CCDC122: variants seen among roughly 807,000 people sequenced by gnomAD.
The protein encoded by CCDC122 is coiled-coil domain containing 122.
In CCDC122, 38 loss-of-function variants were observed where a neutral mutation model predicts 37.0. That is an observed-to-expected ratio of 1.03 (90% CI 0.79 to 1.35). The LOEUF (loss-of-function observed/expected upper bound fraction) is 1.35, where lower values mean the gene tolerates loss of function less well. CCDC122 is among the 40% of genes most tolerant of loss of function. The pLI is 0.00. For synonymous variants in CCDC122, 83 were observed against 95.6 expected, an observed-to-expected ratio of 0.87 and a Z score of 0.77; for missense variants, 305 against 310.0, an observed-to-expected ratio of 0.98 and a Z score of 0.12.
chr13:43,824,311 G>A (rs1166831637), intron 3 of CCDC122, among the ~76,000 whole-genome samples: 1 of 152,138 alleles, frequency 6.6e-6, no homozygotes, highest in East Asian at 1.9e-4. Context: ...TATATGCAAA[G>A]GGATGTAACT....
At chr13:43,824,512 TAA>T (rs1333392382) in intron 3 of CCDC122, among the ~76,000 whole-genome samples, 1 of 152,226 alleles carries the variant, frequency 6.6e-6, no homozygotes, top group Non-Finnish European at 1.5e-5. Context: ...AGTTTATGAC[TAA>T]GTCTTCAAAA....
At position 43,836,827 on chromosome 13, in the gene CCDC122, G is replaced by A. The variant is rs2153869066; in HGVS notation, c.*453C>T. The A allele has an allele frequency of 6.9e-6, 1 of 144,444 alleles. No homozygotes were observed. Among genetic ancestry groups the A allele is most frequent in the East Asian group, 2.0e-4 (1 of 4,940 alleles). 8.9% of individuals were successfully genotyped at this position (144,444 alleles called of 1,614,324 possible). A position where few individuals can be genotyped will look rare whatever the true frequency, so the allele number is the denominator to read the frequency against. ...ACTGCGCCACTGCAGTCCGCAGTCCGGCCTGGGCGACAGAGCGAGACTCCG... is the reference window on the plus strand; with the variant it reads ...ACTGCGCCACTGCAGTCCGCAGTCCAGCCTGGGCGACAGAGCGAGACTCCG... On this transcript the variant is annotated 3_prime_UTR_variant, in exon 7 of 7. Transcript: ENST00000444614.
intron 6 of CCDC122, among the ~76,000 whole-genome samples, chr13:43,841,356 T>C (rs7330707): frequency 0.88 from 134,308 of 152,232 alleles, 59,962 homozygotes; most frequent in South Asian, 0.98. Flanking sequence ...ATCTCCCCAG[T>C]AGTGCATGAT....
intron 6 of CCDC122, 52 bp downstream of exon 6, chr13:43,858,727 TAA>T (rs1315396379): frequency 2.4e-6 from 3 of 1,230,670 alleles, no homozygotes; most frequent in Non-Finnish European, 3.3e-6. Flanking sequence ...AATATAGTGT[TAA>T]GTTTTAAAAA....
In CCDC122 at chr13:43,868,879, C is replaced by T. The variant is rs573520690; in HGVS notation, c.47-76G>A. 17 of 632,910 alleles carry T rather than the reference C, an allele frequency of 2.7e-5. No individual in the cohort carries two copies. In the African/African-American group the frequency reaches 3.3e-4, roughly 12 times the overall value. 39.2% of individuals were successfully genotyped at this position (632,910 alleles called of 1,614,324 possible). A position where few individuals can be genotyped will look rare whatever the true frequency, so the allele number is the denominator to read the frequency against. ...ATTTTAAGAAAGTTATGTTTCTTTA[C>T]TCAAAATCATGAAATATTTGATACT... is the stretch of plus-strand genomic sequence containing the variant. On this transcript the variant is annotated intron_variant, in intron 3 of 6. Coordinates refer to ENST00000444614, the MANE Select transcript of CCDC122 (RefSeq NM_144974.5).
downstream of CCDC122, among the ~76,000 whole-genome samples, chr13:43,831,357 T>A (rs1300522592): frequency 6.6e-6 from 1 of 152,142 alleles, no homozygotes; most frequent in East Asian, 1.9e-4. Context: ...GAAGACAAAA[T>A]AACTAATGCA....
At chr13:43,863,919 A>T (rs1292788501) in intron 4 of CCDC122, among the ~76,000 whole-genome samples, 1 of 152,212 alleles carries the variant, frequency 6.6e-6, no homozygotes, top group African/African-American at 2.4e-5. Context: ...AATCATTGCC[A>T]AGCCCAACAT....
chr13:43,847,400 T>C (rs1234833875), intron 6 of CCDC122, among the ~76,000 whole-genome samples: 1 of 152,184 alleles, frequency 6.6e-6, no homozygotes, highest in East Asian at 1.9e-4. Flanking sequence ...AACATTTTAA[T>C]CTTTTTTAAG....
At chr13:43,848,099 C>A (rs1401227973) in intron 6 of CCDC122, among the ~76,000 whole-genome samples, 1 of 152,100 alleles carries the variant, frequency 6.6e-6, no homozygotes, top group East Asian at 1.9e-4. Flanking sequence ...ATAGGACTGG[C>A]TTTCTAGTTG....
At chr13:43,830,298 G>A (rs1953077611) in intron 3 of CCDC122, among the ~76,000 whole-genome samples, 1 of 152,204 alleles carries the variant, frequency 6.6e-6, no homozygotes, top group Admixed American at 6.5e-5. Context: ...AGGGAGGAGG[G>A]AGGAACAGGG....
Position 43,837,065 on chromosome 13 carries a change from T to A in CCDC122, c.*215A>T. On this transcript the variant is annotated 3_prime_UTR_variant, in exon 7 of 7. Transcript: ENST00000444614. ...TCTTGCATTATTTTCCCGTAGACAT[T>A]CCTATTGTCTGTCTACTGCTATCAA... The A allele has an allele frequency of 2.0e-6, 1 of 498,300 alleles. No homozygotes were observed. Among genetic ancestry groups the A allele is most frequent in the South Asian group, 3.1e-5 (1 of 32,204 alleles). The allele number at this position is 498,300 out of a possible 1,614,324, so 30.9% of individuals were successfully genotyped here.
intron 3 of CCDC122, among the ~76,000 whole-genome samples, chr13:43,827,891 T>C (rs1336960952): frequency 2.6e-5 from 4 of 152,134 alleles, no homozygotes; most frequent in Non-Finnish European, 5.9e-5. Context: ...GGAGTTGGAG[T>C]TGACTCCTGG....
chr13:43,822,190 G>T (rs1952998704), downstream of CCDC122, among the ~76,000 whole-genome samples: 1 of 152,206 alleles, frequency 6.6e-6, no homozygotes, highest in Non-Finnish European at 1.5e-5. Context: ...TAATGCTGTG[G>T]TTCTTGCAGA....
At position 43,836,837 on chromosome 13, in the gene CCDC122, A is replaced by G. The variant is rs1284995795; in HGVS notation, c.*443T>C. ...TGCAGTCCGCAGTCCGGCCTGGGCG[A>G]CAGAGCGAGACTCCGTCTCAAAAAA... On this transcript the variant is annotated 3_prime_UTR_variant, in exon 7 of 7. Transcript: ENST00000444614. The G allele has an allele frequency of 3.6e-5, 5 of 140,616 alleles. No homozygotes were observed. Among genetic ancestry groups the G allele is most frequent in the Non-Finnish European group, 7.7e-5 (5 of 65,310 alleles). 8.7% of individuals were successfully genotyped at this position (140,616 alleles called of 1,614,324 possible). A position where few individuals can be genotyped will look rare whatever the true frequency, so the allele number is the denominator to read the frequency against.
At chr13:43,869,294 TC>T in intron 3 of CCDC122, 36 bp downstream of exon 3, 1 of 1,490,014 alleles carries the variant, frequency 6.7e-7, no homozygotes, top group South Asian at 1.2e-5. Context: ...TTGTTGCTGA[TC>T]TTTTAATTAT....
In CCDC122 at chr13:43,858,890, A is replaced by T; in HGVS notation, c.563T>A (p.Ile188Asn). ...TATAATTTTATCCTTTAAGTTTGTA[A>T]TGTCTTCCTGTATGTTGACAACATT... ...GNRITQVQED[I>N]TNLKDKIITV... is the part of the protein sequence containing the mutation. Residue 188 changes from isoleucine (I) to asparagine (N), a missense_variant, in exon 6 of 7, where the codon ATT (isoleucine) becomes AAT (asparagine). Transcript: ENST00000444614. 4.3e-6 allele frequency: 6 copies of T among 1,401,450 alleles called. No individual in the cohort carries two copies. Among genetic ancestry groups the T allele is most frequent in the Non-Finnish European group, 5.7e-6 (6 of 1,044,552 alleles). The allele number at this position is 1,401,450 out of a possible 1,614,324, so 86.8% of individuals were successfully genotyped here.
At chr13:43,859,429 A>G (rs12874535) in intron 5 of CCDC122, among the ~76,000 whole-genome samples, 56,793 of 151,938 alleles carry the variant, frequency 0.37, 12,777 homozygotes, top group Non-Finnish European at 0.52. Context: ...TTATTTGACC[A>G]TGTAGTTTTA....
At chr13:43,835,319 G>T (rs979038105), downstream of CCDC122, among the ~76,000 whole-genome samples, 1 of 152,108 alleles carries the variant, frequency 6.6e-6, no homozygotes, top group Non-Finnish European at 1.5e-5. Context: ...GTGGGGTGGG[G>T]AGAGTGGGGA....
At chr13:43,819,223 A>C (rs572324618), downstream of CCDC122, among the ~76,000 whole-genome samples, 1 of 152,340 alleles carries the variant, frequency 6.6e-6, no homozygotes, top group South Asian at 2.1e-4. Context: ...ACAGTCTCAT[A>C]CATTGTTGGT....
Sources: gnomAD v4.1 joint callset for allele counts (sites outside exome capture counted in the v4.1 genomes callset) on GRCh38, gnomAD v4.1.1 for gene constraint, MANE v1.5 for transcripts, NCBI Gene and HGNC (gene_info 2026-07-23, HGNC 2026-07-21) for gene names.